ELOVL7: variants seen among roughly 807,000 people sequenced by gnomAD.
ELOVL7 encodes very long chain fatty acid elongase 7.
In ELOVL7, 27 loss-of-function variants were observed where a neutral mutation model predicts 35.7. The ratio of observed to expected loss-of-function variants is 0.76; its 90% CI spans 0.56 to 1.04. The LOEUF (loss-of-function observed/expected upper bound fraction) is 1.04, where lower values mean the gene tolerates loss of function less well. Ranked by LOEUF, ELOVL7 falls within the 50% of genes least tolerant of loss-of-function variation. ELOVL7 has a pLI of 0.00. For missense variants in ELOVL7, 327 were observed against 340.8 expected, an observed-to-expected ratio of 0.96 and a Z score of 0.32; for synonymous variants, 113 against 114.6, an observed-to-expected ratio of 0.99 and a Z score of 0.09.
chr5:60,788,209 C>A (rs1235376214), intron 2 of ELOVL7, among the ~76,000 whole-genome samples: 3 of 151,928 alleles, frequency 2.0e-5, no homozygotes, highest in African/African-American at 7.3e-5. Flanking sequence ...CTAAAATATA[C>A]CTAAGATGTA....
chr5:60,843,636 A>G (rs1157497020), intron 1 of ELOVL7: 1 of 152,274 alleles, frequency 6.6e-6, no homozygotes, highest in Non-Finnish European at 1.5e-5. Context: ...GGGGCTCCGG[A>G]ATTTGGGGGG....
chr5:60,797,429 G>T (rs534547037), intron 2 of ELOVL7, among the ~76,000 whole-genome samples: 94 of 152,320 alleles, frequency 6.2e-4, no homozygotes, highest in Non-Finnish European at 1.2e-3. Context: ...AGAAAGCAAA[G>T]AAAGTTTTGT....
At chr5:60,835,692 C>T (rs1034025071) in intron 1 of ELOVL7, among the ~76,000 whole-genome samples, 9 of 151,968 alleles carry the variant, frequency 5.9e-5, no homozygotes, top group African/African-American at 1.9e-4. Flanking sequence ...GGATTACAGG[C>T]GTGAGCCACT....
chr5:60,757,909 T>C (rs1369926651), intron 7 of ELOVL7, among the ~76,000 whole-genome samples: 1 of 152,170 alleles, frequency 6.6e-6, no homozygotes, highest in African/African-American at 2.4e-5. Flanking sequence ...TGAATTTACT[T>C]ACACTTAGTT....
At chr5:60,781,732 G>A (rs1380072483) in intron 3 of ELOVL7, among the ~76,000 whole-genome samples, 1 of 152,168 alleles carries the variant, frequency 6.6e-6, no homozygotes, top group Non-Finnish European at 1.5e-5. Flanking sequence ...CCAAGCTTTA[G>A]AAATTCTATT....
At chr5:60,764,394 TA>T (rs1296651988) in intron 6 of ELOVL7, 62 bp from the exon 7 acceptor site, 35 of 1,289,818 alleles carry the variant, frequency 2.7e-5, no homozygotes, top group African/African-American at 1.0e-4. Context: ...TTGAGTATTA[TA>T]AAAAATATTG....
chr5:60,754,753 C>G lies in ELOVL7; in HGVS notation c.717G>C (p.Ala239=). Residue 239 remains alanine, a synonymous_variant, in exon 9 of 9, where the codon GCG becomes GCC. Transcript: ENST00000508821. The stretch of plus-strand genomic sequence containing the variant: ...TGAAACTGTAACTCATAATGATGCA[C>G]GCAAAGACTGGAAACTGATACTTGC... ...EDCKYQFPVF[A]CIIMSYSFMF... 6.2e-7 allele frequency: 1 copy of G among 1,613,922 alleles called. No homozygotes were observed. The highest frequency in any genetic ancestry group is 1.1e-5 in the South Asian group (1 of 91,066).
At chr5:60,832,052 T>C (rs1746511186) in intron 1 of ELOVL7, among the ~76,000 whole-genome samples, 2 of 152,236 alleles carry the variant, frequency 1.3e-5, no homozygotes, top group African/African-American at 4.8e-5. Context: ...CCAGCACTTT[T>C]TTTCTGAAGA....
At chr5:60,760,147 C>T (rs374448173) in intron 7 of ELOVL7, among the ~76,000 whole-genome samples, 3 of 152,118 alleles carry the variant, frequency 2.0e-5, no homozygotes, top group African/African-American at 4.8e-5. Flanking sequence ...CCTTTGGGTA[C>T]ATACCCAGTA....
In ELOVL7 at chr5:60,754,656, T is replaced by C; in HGVS notation, c.814A>G (p.Lys272Glu). Residue 272 changes from lysine (K) to glutamate (E), a missense_variant, in exon 9 of 9, where the codon AAA (lysine) becomes GAA (glutamate). Transcript: ENST00000508821. ...TKGQRLPKTV[K>E]NGTCKNKDN ...TCTTTGTTTTTGCAAGTTCCATTTT[T>C]CACAGTTTTGGGCAACCTCTGACCT... is the stretch of plus-strand genomic sequence containing the variant. 6.2e-7 allele frequency: 1 copy of C among 1,614,190 alleles called. No individual in the cohort carries two copies. The highest frequency in any genetic ancestry group is 8.5e-7 in the Non-Finnish European group (1 of 1,180,024).
At chr5:60,795,192 C>A (rs1448754488) in intron 2 of ELOVL7, among the ~76,000 whole-genome samples, 1 of 152,088 alleles carries the variant, frequency 6.6e-6, no homozygotes, top group African/African-American at 2.4e-5. Flanking sequence ...GCAGTGGGAT[C>A]ACAGCCCAGA....
intron 1 of ELOVL7, among the ~76,000 whole-genome samples, chr5:60,829,335 G>A (rs2112378928): frequency 6.6e-6 from 1 of 152,126 alleles, no homozygotes; most frequent in African/African-American, 2.4e-5. Flanking sequence ...GATTATAAGG[G>A]ATATCTGTTT....
intron 1 of ELOVL7, among the ~76,000 whole-genome samples, chr5:60,828,743 A>G (rs1746316792): frequency 6.6e-6 from 1 of 152,212 alleles, no homozygotes; most frequent in Non-Finnish European, 1.5e-5. Flanking sequence ...TCTATAAGCA[A>G]TAAGCACAGC....
chr5:60,772,445 C>T (rs769682669), intron 3 of ELOVL7, among the ~76,000 whole-genome samples: 9 of 152,096 alleles, frequency 5.9e-5, no homozygotes, highest in Non-Finnish European at 8.8e-5. Flanking sequence ...AGTACCCGAC[C>T]GTGCTGGCAC....
At chr5:60,782,255 G>A (rs866704337) in intron 3 of ELOVL7, among the ~76,000 whole-genome samples, 12 of 152,172 alleles carry the variant, frequency 7.9e-5, no homozygotes, top group Non-Finnish European at 7.4e-5. Context: ...GATAACAAGC[G>A]TTGGCAAGGA....
At chr5:60,821,863 G>T (rs1745908384) in intron 1 of ELOVL7, among the ~76,000 whole-genome samples, 1 of 152,218 alleles carries the variant, frequency 6.6e-6, no homozygotes, top group Non-Finnish European at 1.5e-5. Context: ...AATTTGTGAG[G>T]TGAGTCACAT....
At chr5:60,797,504 G>A (rs1014065674) in intron 2 of ELOVL7, among the ~76,000 whole-genome samples, 5 of 152,230 alleles carry the variant, frequency 3.3e-5, no homozygotes, top group African/African-American at 1.2e-4. Context: ...GAGACAAGAG[G>A]TGCCCATGCC....
At chr5:60,778,762 A>T (rs1386490446) in intron 3 of ELOVL7, among the ~76,000 whole-genome samples, 1 of 152,146 alleles carries the variant, frequency 6.6e-6, no homozygotes, top group Non-Finnish European at 1.5e-5. Flanking sequence ...AAACACAATC[A>T]TGCCTTCCGA....
intron 3 of ELOVL7, among the ~76,000 whole-genome samples, chr5:60,781,311 T>A (rs541751271): frequency 6.6e-6 from 1 of 152,312 alleles, no homozygotes; most frequent in East Asian, 1.9e-4. Context: ...AGTTGACTTT[T>A]GTTTTTTCTT....
Sources: allele counts gnomAD v4.1 joint callset (sites outside exome capture counted in the v4.1 genomes callset), GRCh38; gene constraint gnomAD v4.1.1; transcripts MANE v1.5; gene names NCBI Gene and HGNC (gene_info 2026-07-23, HGNC 2026-07-21).